Variants in BORCS5 observed in about 807,000 individuals in gnomAD.
BORCS5 encodes the protein BLOC-1-related complex subunit 5.
A neutral mutation model predicts 22.1 loss-of-function variants in BORCS5; 17 were observed. That is an observed-to-expected ratio of 0.77 (90% CI 0.53 to 1.15). The LOEUF is 1.15. Among genes scored for constraint, BORCS5 ranks in the 50% most tolerant of loss-of-function variants. The pLI, the probability that BORCS5 is intolerant of heterozygous loss-of-function variation, is 0.00. For synonymous variants in BORCS5, 117 were observed against 99.8 expected (o/e 1.17, Z -1.03); for missense variants, 247 against 253.2 (o/e 0.98, Z 0.17).
At chr12:12,441,724 T>TAA (rs1565919276) in intron 3 of BORCS5, among the ~76,000 whole-genome samples, 12 of 151,372 alleles carry the variant, frequency 7.9e-5, no homozygotes, top group Non-Finnish European at 1.5e-4. Context: ...AAAAAAATTT[T>TAA]TTTTTTTTTA....
At position 12,465,829 on chromosome 12, in the gene BORCS5, A is replaced by C; in HGVS notation, c.*53A>C. On this transcript the variant is annotated 3_prime_UTR_variant, in exon 4 of 4. Coordinates refer to ENST00000314565, the MANE Select transcript of BORCS5 (RefSeq NM_058169.6). Reference sequence around the variant, plus strand: ...AGCCCCAGACACCGACACCCTGAGGACGTGTGGAGCTAAGGTCATATCATC... The same window carrying C: ...AGCCCCAGACACCGACACCCTGAGGCCGTGTGGAGCTAAGGTCATATCATC... The C allele has an allele frequency of 6.7e-7, 1 of 1,482,080 alleles. No individual in the cohort carries two copies. The highest frequency in any genetic ancestry group is 1.2e-5 in the South Asian group (1 of 85,746). The allele number at this position is 1,482,080 out of a possible 1,614,324, so 91.8% of individuals were successfully genotyped here.
In BORCS5 at chr12:12,467,933, C is replaced by G. The variant is rs1271305731; in HGVS notation, c.*2157C>G. ...CACGGCTCCTCCCACTCCCGCAGAA[C>G]TCTGCCTTTGGCTTTTCCAGACCCT... is the stretch of plus-strand genomic sequence containing the variant. On this transcript the variant is annotated 3_prime_UTR_variant, in exon 4 of 4. Coordinates refer to ENST00000314565, the MANE Select transcript of BORCS5 (RefSeq NM_058169.6). 1 of 152,306 alleles carries G rather than the reference C, an allele frequency of 6.6e-6. No homozygotes were observed. Among genetic ancestry groups the G allele is most frequent in the Non-Finnish European group, 1.5e-5 (1 of 68,102 alleles). The allele number at this position is 152,306 out of a possible 1,614,324, so 9.4% of individuals were successfully genotyped here.
At chr12:12,431,604 G>T (rs1390232162) in intron 2 of BORCS5, among the ~76,000 whole-genome samples, 1 of 152,024 alleles carries the variant, frequency 6.6e-6, no homozygotes, top group Non-Finnish European at 1.5e-5. Flanking sequence ...GTTTCACCAT[G>T]TTGGCCAGGA....
chr12:12,445,643 A>AT (rs888863552), intron 3 of BORCS5, among the ~76,000 whole-genome samples: 2 of 136,130 alleles, frequency 1.5e-5, no homozygotes, highest in African/African-American at 2.8e-5. Context: ...TTTTAATTTA[A>AT]TTTTTTTACA....
At position 12,357,345 on chromosome 12, in the gene BORCS5, C is replaced by G; in HGVS notation, c.-107C>G. On this transcript the variant is annotated 5_prime_UTR_variant, in exon 1 of 4. Coordinates refer to ENST00000314565, the MANE Select transcript of BORCS5 (RefSeq NM_058169.6). ...CATTAGCCTCGCTGCGGCGCCCAGA[C>G]TCTGCTTTGCCTCCCCGTCCCGGTC... is the stretch of plus-strand genomic sequence containing the variant. 6.7e-7 allele frequency: 1 copy of G among 1,494,802 alleles called. No homozygotes were observed. The highest frequency in any genetic ancestry group is 1.4e-5 in the African/African-American group (1 of 71,876). 92.6% of individuals were successfully genotyped at this position (1,494,802 alleles called of 1,614,324 possible).
At chr12:12,425,145 G>T (rs76782924) in intron 2 of BORCS5, among the ~76,000 whole-genome samples, 1,952 of 152,288 alleles carry the variant, frequency 0.013, 35 homozygotes, top group African/African-American at 0.044. Context: ...AGCCACTCCA[G>T]GAATAAGTGC....
In BORCS5 at chr12:12,377,794, G is replaced by A. The variant is rs187699219; in HGVS notation, c.202+16445G>A. Among the ~76,000 whole-genome samples the A allele has an allele frequency of 1.4e-3, 206 of 152,240 alleles. 1 individual carries two copies. Among genetic ancestry groups the A allele is most frequent in the Non-Finnish European group, 2.6e-3 (175 of 68,016 alleles). On this transcript the variant is annotated intron_variant, in intron 2 of 3. Transcript: ENST00000314565. The stretch of plus-strand genomic sequence containing the variant: ...GTCCTTAAGAGAAAGCATATTTAGA[G>A]ATGCAAAAGTAGGACAGTTACAAGT...
In BORCS5 at chr12:12,467,587, A is replaced by C. The variant is rs1943223750; in HGVS notation, c.*1811A>C. On this transcript the variant is annotated 3_prime_UTR_variant, in exon 4 of 4. Transcript: ENST00000314565. ...GATAGGCTACTTATTACTGGGTGGA[A>C]GCGGAGAAGTATGGCAGAAGAACAA... 1 of 152,224 alleles carries C rather than the reference A, an allele frequency of 6.6e-6. No individual in the cohort carries two copies. The highest frequency in any genetic ancestry group is 1.5e-5 in the Non-Finnish European group (1 of 68,040). 9.4% of individuals were successfully genotyped at this position (152,224 alleles called of 1,614,324 possible). A position where few individuals can be genotyped will look rare whatever the true frequency, so the allele number is the denominator to read the frequency against.
chr12:12,359,826 T>C (rs933579235), intron 1 of BORCS5, among the ~76,000 whole-genome samples: 1 of 152,112 alleles, frequency 6.6e-6, no homozygotes, highest in Non-Finnish European at 1.5e-5. Flanking sequence ...GTCGCAGAGA[T>C]GGGCCTTGTG....
At chr12:12,462,876 C>T (rs568205284) in intron 3 of BORCS5, among the ~76,000 whole-genome samples, 8 of 151,366 alleles carry the variant, frequency 5.3e-5, no homozygotes, top group African/African-American at 1.7e-4. Flanking sequence ...AGGCTGGTCT[C>T]GAACTCCTGA....
chr12:12,357,356 CTCCCCGTCCCGG>C lies in BORCS5; in HGVS notation c.-91_-80del. 1.3e-6 allele frequency: 2 copies of C among 1,509,326 alleles called. No individual in the cohort carries two copies. Among genetic ancestry groups the C allele is most frequent in the South Asian group, 1.3e-5 (1 of 79,386 alleles). The allele number at this position is 1,509,326 out of a possible 1,614,324, so 93.5% of individuals were successfully genotyped here. A position where few individuals can be genotyped will look rare whatever the true frequency, so the allele number is the denominator to read the frequency against. On this transcript the variant is annotated 5_prime_UTR_variant, in exon 1 of 4. Coordinates refer to ENST00000314565, the MANE Select transcript of BORCS5 (RefSeq NM_058169.6). ...CTGCGGCGCCCAGACTCTGCTTTGC[CTCCCCGTCCCGG>C]TCCCTGGCCCCTGCCCTGTCGCCCG... is the stretch of plus-strand genomic sequence containing the variant.
chr12:12,441,612 C>T (rs1270556098), intron 3 of BORCS5, among the ~76,000 whole-genome samples: 1 of 151,922 alleles, frequency 6.6e-6, no homozygotes, highest in Non-Finnish European at 1.5e-5. Flanking sequence ...ATGAATTGGC[C>T]CATTTGAAAT....
intron 2 of BORCS5, among the ~76,000 whole-genome samples, chr12:12,397,452 T>C (rs889845004): frequency 1.3e-5 from 2 of 152,252 alleles, no homozygotes; most frequent in African/African-American, 4.8e-5. Context: ...GGGAATTCGC[T>C]TCTGCATTCT....
intron 3 of BORCS5, among the ~76,000 whole-genome samples, chr12:12,438,371 A>AAAAAAAC (rs1942603028): frequency 8.5e-6 from 1 of 117,054 alleles, no homozygotes; most frequent in Non-Finnish European, 1.7e-5. Flanking sequence ...AAAAAAAAAA[A>AAAAAAAC]AAAAAAAAAC....
intron 2 of BORCS5, among the ~76,000 whole-genome samples, chr12:12,414,866 C>T (rs914035820): frequency 2.0e-5 from 3 of 149,872 alleles, no homozygotes; most frequent in Non-Finnish European, 4.5e-5. Context: ...CCTCACCTCC[C>T]AGACAGGGTT....
In BORCS5 at chr12:12,401,707, C is replaced by T. The variant is rs1357119313; in HGVS notation, c.203-33921C>T. ...ATAATTAAAATTTGTCATTTTATAT[C>T]ACAATTTTACTTAAAATTCTATTGT... On this transcript the variant is annotated intron_variant, in intron 2 of 3. Coordinates refer to ENST00000314565, the MANE Select transcript of BORCS5 (RefSeq NM_058169.6). Among the ~76,000 whole-genome samples the T allele has an allele frequency of 3.3e-5, 5 of 152,054 alleles. No individual in the cohort carries two copies. The East Asian group carries it at 7.7e-4, about 23-fold the overall frequency.
intron 2 of BORCS5, among the ~76,000 whole-genome samples, chr12:12,413,201 G>GCAGATAAACAA (rs774135787): frequency 2.4e-5 from 2 of 82,560 alleles, no homozygotes; most frequent in African/African-American, 1.5e-4. Context: ...GGGAAGGTCT[G>GCAGATAAACAA]GTTTTCCTAG....
At chr12:12,391,151 A>G (rs1276602863) in intron 2 of BORCS5, among the ~76,000 whole-genome samples, 1 of 152,000 alleles carries the variant, frequency 6.6e-6, no homozygotes. Flanking sequence ...TAAGTCCATA[A>G]CAGGAGCATA....
chr12:12,419,379 C>T (rs979529814), intron 2 of BORCS5, among the ~76,000 whole-genome samples: 1 of 152,106 alleles, frequency 6.6e-6, no homozygotes, highest in Non-Finnish European at 1.5e-5. Flanking sequence ...TGAACTCATC[C>T]TTTTTTATGG....
Sources: gnomAD v4.1 joint callset for allele counts (sites outside exome capture counted in the v4.1 genomes callset) on GRCh38, gnomAD v4.1.1 for gene constraint, MANE v1.5 for transcripts, NCBI Gene and HGNC (gene_info 2026-07-23, HGNC 2026-07-21) for gene names.